Variants in CDKAL1 observed in about 807,000 individuals in gnomAD.
CDKAL1 encodes CDKAL1 threonylcarbamoyladenosine tRNA methylthiotransferase.
A neutral mutation model predicts 68.2 loss-of-function variants in CDKAL1; 32 were observed. The observed-to-expected ratio is 0.47, with a 90% confidence interval of 0.35 to 0.63. CDKAL1 has a LOEUF of 0.63. Among genes scored for constraint, CDKAL1 ranks in the 30% least tolerant of loss-of-function variants. The pLI, the probability that CDKAL1 is intolerant of heterozygous loss-of-function variation, is 0.00. For missense variants in CDKAL1, 606 were observed against 696.7 expected, an observed-to-expected ratio of 0.87 and a Z score of 1.47; for synonymous variants, 234 against 244.3, an observed-to-expected ratio of 0.96 and a Z score of 0.39.
intron 13 of CDKAL1, among the ~76,000 whole-genome samples, chr6:21,188,583 T>C (rs9350327): frequency 0.28 from 42,813 of 152,098 alleles, 6,954 homozygotes; most frequent in African/African-American, 0.45. Context: ...GTTGGCTCCA[T>C]GGGCCCTTTC....
chr6:20,985,401 C>G (rs913214787), intron 10 of CDKAL1, among the ~76,000 whole-genome samples: 1 of 152,136 alleles, frequency 6.6e-6, no homozygotes, highest in Non-Finnish European at 1.5e-5. Context: ...TCAAGCGGTT[C>G]CCCTGCCTCA....
At chr6:21,196,499 G>A (rs1192774468) in intron 13 of CDKAL1, among the ~76,000 whole-genome samples, 2 of 152,148 alleles carry the variant, frequency 1.3e-5, no homozygotes, top group Admixed American at 1.3e-4. Context: ...TTTAGTAAGT[G>A]TCATCTCAGA....
At chr6:20,775,142 A>G (rs73732776) in intron 7 of CDKAL1, among the ~76,000 whole-genome samples, 156 of 152,196 alleles carry the variant, frequency 1.0e-3, no homozygotes, top group African/African-American at 3.6e-3. Context: ...TTGCATATCT[A>G]TTTTAGTCAC....
chr6:21,087,241 G>A (rs1017526527), intron 12 of CDKAL1, among the ~76,000 whole-genome samples: 1 of 152,184 alleles, frequency 6.6e-6, no homozygotes, highest in African/African-American at 2.4e-5. Flanking sequence ...CTGCTCTACG[G>A]GAGGACTCTA....
chr6:21,213,853 A>G (rs1288071116), intron 15 of CDKAL1, among the ~76,000 whole-genome samples: 2 of 152,230 alleles, frequency 1.3e-5, no homozygotes, highest in Non-Finnish European at 2.9e-5. Flanking sequence ...AAGGGAAACC[A>G]GGGACTCAGA....
intron 13 of CDKAL1, among the ~76,000 whole-genome samples, chr6:21,124,043 C>A (rs1430519940): frequency 2.6e-5 from 4 of 152,228 alleles, no homozygotes; most frequent in Non-Finnish European, 5.9e-5. Context: ...TCAGTTGTAA[C>A]ATGCACATGT....
intron 9 of CDKAL1, among the ~76,000 whole-genome samples, chr6:20,876,022 T>A (rs1458198402): frequency 2.0e-5 from 3 of 152,238 alleles, no homozygotes; most frequent in Non-Finnish European, 4.4e-5. Flanking sequence ...AAGGCTAAAC[T>A]TACATGTTAA....
chr6:20,887,839 A>C (rs746745012), intron 9 of CDKAL1, among the ~76,000 whole-genome samples: 1 of 150,664 alleles, frequency 6.6e-6, no homozygotes, highest in Non-Finnish European at 1.5e-5. Context: ...GCCAGAGTAG[A>C]GTGGTATGAT....
At position 20,703,392 on chromosome 6, in the gene CDKAL1, C is replaced by T. The variant is rs374360338; in HGVS notation, c.372-36127C>T. On this transcript the variant is annotated intron_variant, in intron 5 of 15. Coordinates refer to ENST00000274695, the MANE Select transcript of CDKAL1 (RefSeq NM_017774.3). ...AATCTAAAATATTTATTATCTGGCA[C>T]TTTACATAAACAATTTTGCTGACCT... is the stretch of plus-strand genomic sequence containing the variant. Among the ~76,000 whole-genome samples, 12 of 152,068 alleles carry T rather than the reference C, an allele frequency of 7.9e-5. No individual in the cohort carries two copies. The East Asian group carries it at 2.3e-3, about 29-fold the overall frequency.
chr6:20,758,082 A>G (rs1024061222), intron 6 of CDKAL1, among the ~76,000 whole-genome samples: 1 of 120,488 alleles, frequency 8.3e-6, no homozygotes, highest in Non-Finnish European at 1.8e-5. Flanking sequence ...CAGAAGCTGT[A>G]TTATTTGACT....
At chr6:20,960,955 C>T (rs996246882) in intron 10 of CDKAL1, among the ~76,000 whole-genome samples, 15 of 152,308 alleles carry the variant, frequency 9.8e-5, no homozygotes, top group African/African-American at 2.9e-4. Flanking sequence ...ACTTCTTTCT[C>T]CTCTTCCTGC....
intron 13 of CDKAL1, among the ~76,000 whole-genome samples, chr6:21,131,269 G>A (rs1450784734): frequency 6.6e-6 from 1 of 152,148 alleles, no homozygotes; most frequent in African/African-American, 2.4e-5. Flanking sequence ...AGATTTAGTT[G>A]TAGATATAAA....
chr6:21,103,732 C>T (rs1352426872), intron 12 of CDKAL1, among the ~76,000 whole-genome samples: 2 of 152,186 alleles, frequency 1.3e-5, no homozygotes, highest in Non-Finnish European at 2.9e-5. Flanking sequence ...ATTTGCCATA[C>T]TCACTGTACT....
chr6:21,192,810 CTTTTTT>C (rs34456723), intron 13 of CDKAL1, among the ~76,000 whole-genome samples: 1 of 124,868 alleles, frequency 8.0e-6, no homozygotes, highest in Non-Finnish European at 1.7e-5. Flanking sequence ...TTGAGAGTTC[CTTTTTT>C]TTTTTTTTTT....
At chr6:20,578,605 T>C (rs796599813) in intron 4 of CDKAL1, among the ~76,000 whole-genome samples, 13 of 152,344 alleles carry the variant, frequency 8.5e-5, no homozygotes, top group African/African-American at 3.1e-4. Flanking sequence ...TTAAGAGGAT[T>C]GTTAGTAGAC....
At chr6:21,124,021 C>T (rs896087105) in intron 13 of CDKAL1, among the ~76,000 whole-genome samples, 1 of 152,246 alleles carries the variant, frequency 6.6e-6, no homozygotes, top group Non-Finnish European at 1.5e-5. Flanking sequence ...TAAACATTCA[C>T]TAGTTCTCAC....
rs995715273 is a variant in CDKAL1 at position 21,020,410 on chromosome 6, G to A, written c.1055+20038G>A. ...GCTGTTTTTGACAGAAAGGAACTCT[G>A]TTAGAGTTCACAGGTTCACAGGTAC... On this transcript the variant is annotated intron_variant, in intron 11 of 15. Transcript: ENST00000274695. Among the ~76,000 whole-genome samples the A allele has an allele frequency of 2.7e-4, 41 of 152,116 alleles. 1 individual carries two copies. The highest frequency in any genetic ancestry group is 1.9e-4 in the African/African-American group (8 of 41,420).
At chr6:20,912,287 T>A (rs1425865186) in intron 9 of CDKAL1, among the ~76,000 whole-genome samples, 1 of 152,206 alleles carries the variant, frequency 6.6e-6, no homozygotes, top group Non-Finnish European at 1.5e-5. Context: ...GAGTTAAACT[T>A]GACTTTGCTG....
chr6:20,600,226 G>A (rs1413776735), intron 4 of CDKAL1, among the ~76,000 whole-genome samples: 3 of 152,026 alleles, frequency 2.0e-5, no homozygotes, highest in Non-Finnish European at 4.4e-5. Context: ...TGTGGAGTTG[G>A]CAATTCTTTT....
Sources: allele counts gnomAD v4.1 joint callset (sites outside exome capture counted in the v4.1 genomes callset), GRCh38; gene constraint gnomAD v4.1.1; transcripts MANE v1.5; gene names NCBI Gene and HGNC (gene_info 2026-07-23, HGNC 2026-07-21).